The following IL6ST variants were observed in gnomAD, a reference collection of about 807,000 sequenced individuals.
IL6ST encodes the protein interleukin 6 cytokine family signal transducer, also known as interleukin-6 receptor subunit beta.
A neutral mutation model predicts 91.3 loss-of-function variants in IL6ST; 24 were observed. The observed-to-expected ratio is 0.26, with a 90% CI of 0.19 to 0.37. The LOEUF (loss-of-function observed/expected upper bound fraction) is 0.37. Ranked by LOEUF, IL6ST falls within the 10% of genes least tolerant of loss-of-function variation. The pLI, the probability that IL6ST is intolerant of heterozygous loss-of-function variation, is 1.00. For missense variants in IL6ST, 914 were observed against 1,078.5 expected (o/e 0.85, Z 2.14); for synonymous variants, 351 against 373.6 (o/e 0.94, Z 0.70).
chr5:55,985,775 G>C (rs914475861), intron 1 of IL6ST, among the ~76,000 whole-genome samples: 1 of 152,156 alleles, frequency 6.6e-6, no homozygotes, highest in African/African-American at 2.4e-5. Context: ...GGTCTATTTG[G>C]CTACTCTCAA....
chr5:55,952,216 A>G (rs770721339), intron 12 of IL6ST, 34 bp downstream of exon 12: 2 of 1,535,572 alleles, frequency 1.3e-6, no homozygotes, highest in Non-Finnish European at 8.9e-7. Flanking sequence ...AAAGCCCTAA[A>G]CTTTTTTTTT....
intron 2 of IL6ST, among the ~76,000 whole-genome samples, chr5:55,981,046 T>C (rs879374561): frequency 2.0e-5 from 3 of 152,198 alleles, no homozygotes; most frequent in Non-Finnish European, 2.9e-5. Flanking sequence ...ACTATATTCT[T>C]GCAACAAAGC....
chr5:55,935,608 TCA>T lies in IL6ST; in HGVS notation c.*5472_*5473del. 3 of 219,206 alleles carry T rather than the reference TCA, an allele frequency of 1.4e-5. No homozygotes were observed. The highest frequency in any genetic ancestry group is 2.7e-5 in the Non-Finnish European group (3 of 109,214). 13.6% of individuals were successfully genotyped at this position (219,206 alleles called of 1,614,324 possible). A position where few individuals can be genotyped will look rare whatever the true frequency, so the allele number is the denominator to read the frequency against. On this transcript the variant is annotated 3_prime_UTR_variant, in exon 17 of 17. Transcript: ENST00000381298. ...GAGTTGGCTGAGCTTCCTGCTGCTTTCACACATTCTTCTTTTTCTACCTCAGT... is the reference window on the plus strand; with the variant it reads ...GAGTTGGCTGAGCTTCCTGCTGCTTTCACATTCTTCTTTTTCTACCTCAGT...
chr5:55,967,612 T>C lies in IL6ST; in HGVS notation c.491+664A>G, dbSNP rs909585944. ...TATGTTGTTATGCTTTTTTTTAAAATGTCCTCATCTTTTAGAGACGCATAC... is the reference window on the plus strand; with the variant it reads ...TATGTTGTTATGCTTTTTTTTAAAACGTCCTCATCTTTTAGAGACGCATAC... On this transcript the variant is annotated intron_variant, in intron 5 of 16. Coordinates refer to ENST00000381298, the MANE Select transcript of IL6ST (RefSeq NM_002184.4). 4.6e-5 allele frequency among the ~76,000 whole-genome samples: 7 copies of C among 152,144 alleles called. No homozygotes were observed. In the East Asian group the frequency reaches 5.8e-4, roughly 13 times the overall value.
At chr5:55,952,797 C>T (rs1751721460) in intron 11 of IL6ST, among the ~76,000 whole-genome samples, 1 of 152,154 alleles carries the variant, frequency 6.6e-6, no homozygotes, top group Admixed American at 6.5e-5. Context: ...CGCTGTGGCT[C>T]ACGTCTGTAA....
intron 1 of IL6ST, among the ~76,000 whole-genome samples, chr5:55,987,693 C>T (rs1479764671): frequency 6.6e-6 from 1 of 152,210 alleles, no homozygotes; most frequent in Non-Finnish European, 1.5e-5. Context: ...CCACCACCTA[C>T]CCATCTAGGA....
Position 55,969,755 on chromosome 5 carries a change from C to G in IL6ST, c.165G>C (p.Met55Ile). The G allele has an allele frequency of 6.2e-7, 1 of 1,610,914 alleles. No individual in the cohort carries two copies. The highest frequency in any genetic ancestry group is 8.5e-7 in the Non-Finnish European group (1 of 1,177,364). ...AATTAGCATTTACATGAAAATAATCCATACATTTTTCCTTTAGCACACAAA... is the reference window on the plus strand; with the variant it reads ...AATTAGCATTTACATGAAAATAATCGATACATTTTTCCTTTAGCACACAAA... ...TAVCVLKEKC[M>I]DYFHVNANYI... Residue 55 changes from methionine (M) to isoleucine (I), a missense_variant, in exon 4 of 17, where the codon ATG becomes ATC. By Grantham distance (10) the Met-to-Ile change is conservative (BLOSUM62 1). Transcript: ENST00000381298.
chr5:55,941,439 A>C lies in IL6ST; in HGVS notation c.2400T>G (p.Asp800Glu). 1.2e-6 allele frequency: 2 copies of C among 1,614,220 alleles called. No homozygotes were observed. The highest frequency in any genetic ancestry group is 1.7e-6 in the Non-Finnish European group (2 of 1,180,020). The part of the protein sequence containing the change: ...EERPEDLQLV[D>E]HVDGGDGILP... ...AAATACCATCACCGCCATCTACATG[A>C]TCTACTAATTGTAGATCTTCTGGCC... The change falls in exon 17 of 17, where the codon GAT becomes GAG. Residue 800 changes from aspartate (D) to glutamate (E), a missense_variant. Coordinates refer to ENST00000381298, the MANE Select transcript of IL6ST (RefSeq NM_002184.4).
In IL6ST at chr5:55,935,985, G is replaced by C. The variant is rs907055650; in HGVS notation, c.*5097C>G. On this transcript the variant is annotated 3_prime_UTR_variant, in exon 17 of 17. Coordinates refer to ENST00000381298, the MANE Select transcript of IL6ST (RefSeq NM_002184.4). ...ACCAAATAGAAGATTTTAAACAAAG[G>C]AGCACATAGCCCAAAGCTGACATGT... 2.7e-5 allele frequency: 6 copies of C among 224,014 alleles called. No homozygotes were observed. Among genetic ancestry groups the C allele is most frequent in the Non-Finnish European group, 5.3e-5 (6 of 112,348 alleles). The allele number at this position is 224,014 out of a possible 1,614,324, so 13.9% of individuals were successfully genotyped here.
chr5:55,983,276 G>T (rs1003571475), intron 1 of IL6ST, among the ~76,000 whole-genome samples: 11 of 152,056 alleles, frequency 7.2e-5, no homozygotes, highest in Admixed American at 7.2e-4. Context: ...ATGAGCCACC[G>T]CGCCCAGCCC....
At chr5:55,946,113 A>G (rs1751235024) in intron 15 of IL6ST, among the ~76,000 whole-genome samples, 1 of 152,166 alleles carries the variant, frequency 6.6e-6, no homozygotes, top group East Asian at 1.9e-4. Context: ...ACACATCACA[A>G]AAGAAAATAT....
intron 5 of IL6ST, among the ~76,000 whole-genome samples, chr5:55,967,304 CA>C (rs1376971729): frequency 4.0e-5 from 2 of 50,038 alleles, no homozygotes; most frequent in Non-Finnish European, 6.2e-5. Context: ...AGCAAGACTC[CA>C]TCTCAAAAAA....
At chr5:55,981,908 A>G (rs1345036268) in intron 2 of IL6ST, among the ~76,000 whole-genome samples, 2 of 152,238 alleles carry the variant, frequency 1.3e-5, no homozygotes, top group African/African-American at 4.8e-5. Context: ...CTGAAAACCA[A>G]AAGCTGTAAT....
At chr5:55,953,280 A>C (rs555377897) in intron 11 of IL6ST, among the ~76,000 whole-genome samples, 1 of 152,312 alleles carries the variant, frequency 6.6e-6, no homozygotes, top group East Asian at 1.9e-4. Flanking sequence ...TAATGATTCA[A>C]TATTACCAAA....
At chr5:55,949,068 A>G (rs1751451340) in intron 14 of IL6ST, 1 of 152,194 alleles carries the variant, frequency 6.6e-6, no homozygotes, top group South Asian at 2.1e-4. Flanking sequence ...TACAAAGAAG[A>G]CACTAAAAGG....
rs746228443 is a variant in IL6ST, at chr5:55,964,135, T to G, written c.658+11A>C. On this transcript the variant is annotated intron_variant, in intron 6 of 16. Transcript: ENST00000381298. ...TGTCAAATAAACTCTCAAATTCAGG[T>G]TTATAACTACCTTTATATACAGGAT... The G allele has an allele frequency of 6.7e-7, 1 of 1,503,238 alleles. No homozygotes were observed. Among genetic ancestry groups the G allele is most frequent in the South Asian group, 1.3e-5 (1 of 76,670 alleles). 93.1% of individuals were successfully genotyped at this position (1,503,238 alleles called of 1,614,324 possible). A position where few individuals can be genotyped will look rare whatever the true frequency, so the allele number is the denominator to read the frequency against.
intron 1 of IL6ST, among the ~76,000 whole-genome samples, chr5:55,987,137 C>T: frequency 6.6e-6 from 1 of 152,176 alleles, no homozygotes; most frequent in Non-Finnish European, 1.5e-5. Context: ...TGCATTCCAG[C>T]CTGGGTGACA....
chr5:55,958,105 A>C (rs915809568), intron 8 of IL6ST, among the ~76,000 whole-genome samples: 1 of 152,168 alleles, frequency 6.6e-6, no homozygotes, highest in East Asian at 1.9e-4. Context: ...CAATCCATAA[A>C]ACATAGTGGT....
At chr5:55,952,787 C>T (rs925430725) in intron 11 of IL6ST, among the ~76,000 whole-genome samples, 9 of 152,122 alleles carry the variant, frequency 5.9e-5, no homozygotes, top group East Asian at 1.9e-4. Context: ...CTCGGCCAGG[C>T]GCTGTGGCTC....
Sources: gnomAD v4.1 joint callset for allele counts (sites outside exome capture counted in the v4.1 genomes callset) on GRCh38, gnomAD v4.1.1 for gene constraint, MANE v1.5 for transcripts, NCBI Gene and HGNC (gene_info 2026-07-23, HGNC 2026-07-21) for gene names.